Variants in WFDC9 observed in about 807,000 individuals in gnomAD.
WFDC9 encodes WAP four-disulfide core domain 9.
WFDC9 carries 9 observed loss-of-function variants against 9.5 expected under a neutral mutation model. The ratio of observed to expected loss-of-function variants is 0.95; its 90% CI spans 0.57 to 1.65. WFDC9 has a LOEUF of 1.65. WFDC9 is among the 40% of genes most tolerant of loss of function. WFDC9 has a pLI of 0.00. For synonymous variants in WFDC9, 33 were observed against 32.3 expected (o/e 1.02, Z -0.07); for missense variants, 87 against 106.7 (o/e 0.82, Z 0.81).
chr20:45,620,290 G>A (rs1166691016), intron 1 of WFDC9, among the ~76,000 whole-genome samples: 3 of 152,112 alleles, frequency 2.0e-5, no homozygotes, highest in Non-Finnish European at 4.4e-5. Context: ...CTAAGTCATT[G>A]TAACTAAGTA....
intron 1 of WFDC9, among the ~76,000 whole-genome samples, chr20:45,630,583 G>C (rs1241792116): frequency 1.3e-5 from 2 of 152,146 alleles, no homozygotes; most frequent in African/African-American, 4.8e-5. Context: ...ACTTCACCAA[G>C]GCCATGACTA....
chr20:45,608,646 C>A lies in WFDC9; in HGVS notation c.239+17G>T, dbSNP rs375811823. On this transcript the variant is annotated intron_variant, in intron 4 of 4. Coordinates refer to ENST00000326000, the MANE Select transcript of WFDC9 (RefSeq NM_147198.4). Reference sequence around the variant, plus strand: ...AAGCATGCCCAGGCCCTAGCCTTCCCACCCCAACCAACTCACTCGTTGTCT... The same window carrying A: ...AAGCATGCCCAGGCCCTAGCCTTCCAACCCCAACCAACTCACTCGTTGTCT... 147 of 1,606,734 alleles carry A rather than the reference C, an allele frequency of 9.1e-5. No individual in the cohort carries two copies. Among genetic ancestry groups the A allele is most frequent in the Non-Finnish European group, 1.2e-4 (142 of 1,176,318 alleles).
chr20:45,620,462 C>T (rs1053478296), intron 1 of WFDC9, among the ~76,000 whole-genome samples: 1 of 151,900 alleles, frequency 6.6e-6, no homozygotes, highest in African/African-American at 2.4e-5. Context: ...TGCGGTGGCA[C>T]ACACCTGTAA....
At chr20:45,620,232 T>C (rs1347626665) in intron 1 of WFDC9, among the ~76,000 whole-genome samples, 21 of 152,164 alleles carry the variant, frequency 1.4e-4, no homozygotes, top group Admixed American at 1.4e-3. Context: ...CAAAAGAAAA[T>C]ATTGTATGGC....
At chr20:45,614,410 T>C (rs138016640) in intron 2 of WFDC9, among the ~76,000 whole-genome samples, 2,108 of 152,198 alleles carry the variant, frequency 0.014, 87 homozygotes, top group Admixed American at 0.097. Context: ...GAGGACAGAG[T>C]GCTGGATTTA....
chr20:45,613,516 TA>T (rs1981905706), intron 2 of WFDC9, among the ~76,000 whole-genome samples: 2 of 152,196 alleles, frequency 1.3e-5, no homozygotes, highest in Admixed American at 6.5e-5. Flanking sequence ...AAATCACTTT[TA>T]AGAGATTCGA....
chr20:45,623,303 CTT>C (rs1426769970), intron 1 of WFDC9, among the ~76,000 whole-genome samples: 12 of 152,166 alleles, frequency 7.9e-5, no homozygotes, highest in Non-Finnish European at 1.8e-4. Context: ...TCCTCTTATT[CTT>C]TTCTGTTTGT....
intron 1 of WFDC9, among the ~76,000 whole-genome samples, chr20:45,622,295 T>G (rs1982119611): frequency 6.6e-6 from 1 of 152,180 alleles, no homozygotes; most frequent in African/African-American, 2.4e-5. Context: ...ATTTTAAAAT[T>G]TATTTGTATT....
chr20:45,625,441 G>A (rs1273225566), intron 1 of WFDC9, among the ~76,000 whole-genome samples: 1 of 152,146 alleles, frequency 6.6e-6, no homozygotes, highest in African/African-American at 2.4e-5. Context: ...TTCCTTTGCT[G>A]TGCAGCAGCT....
At chr20:45,628,931 T>C (rs1413347419) in intron 1 of WFDC9, among the ~76,000 whole-genome samples, 2 of 152,190 alleles carry the variant, frequency 1.3e-5, no homozygotes, top group Non-Finnish European at 2.9e-5. Context: ...TCTTCACTTC[T>C]GAGAGTTCAT....
rs76174602 is a variant in WFDC9, at chr20:45,627,009, T to G, written c.-153+4194A>C. Among the ~76,000 whole-genome samples the G allele has an allele frequency of 5.5e-3, 845 of 152,348 alleles. 7 individuals carry two copies. Among genetic ancestry groups the G allele is most frequent in the African/African-American group, 0.02 (811 of 41,570 alleles). ...TGCTTTCCTTTCATACATAATTTAT[T>G]GAAAGTTTTTATCATAAAGTGGTGT... On this transcript the variant is annotated intron_variant, in intron 1 of 4. Transcript: ENST00000326000.
At position 45,608,752 on chromosome 20, in the gene WFDC9, AC is replaced by A. The variant is rs751408289; in HGVS notation, c.149del (p.Cys50LeufsTer8). 6.2e-7 allele frequency: 1 copy of A among 1,613,248 alleles called. No individual in the cohort carries two copies. Among genetic ancestry groups the A allele is most frequent in the Admixed American group, 1.7e-5 (1 of 60,016 alleles). ...QCWVQPPYKYCEKRCTKIMTC... is the reference protein window; with the variant it reads ...QCWVQPPYKYXEKRCTKIMTC... The stretch of plus-strand genomic sequence containing the variant: ...TCATTATTTTAGTACACCTTTTCTC[AC>A]AGTACTTATATGGAGGCTGTACCCA... On this transcript the variant is annotated frameshift_variant, in exon 4 of 5. Transcript: ENST00000326000. LOFTEE classifies it high-confidence loss of function.
intron 2 of WFDC9, among the ~76,000 whole-genome samples, chr20:45,614,277 C>CA (rs1981926187): frequency 6.6e-6 from 1 of 152,114 alleles, no homozygotes; most frequent in Non-Finnish European, 1.5e-5. Context: ...TTCTCATATA[C>CA]AGAGTGCTGT....
chr20:45,607,999 C>A lies in WFDC9; in HGVS notation c.*111G>T. On this transcript the variant is annotated 3_prime_UTR_variant, in exon 5 of 5. Transcript: ENST00000326000. ...CAGGGTAAAGAGGTCAAGGAAATAG[C>A]AGAAAGGTTACCAGCTAGAGCCAGT... 8.2e-7 allele frequency: 1 copy of A among 1,221,848 alleles called. No individual in the cohort carries two copies. Among genetic ancestry groups the A allele is most frequent in the South Asian group, 1.3e-5 (1 of 78,874 alleles). The allele number at this position is 1,221,848 out of a possible 1,614,324, so 75.7% of individuals were successfully genotyped here. A position where few individuals can be genotyped will look rare whatever the true frequency, so the allele number is the denominator to read the frequency against.
At chr20:45,608,849 A>T in intron 3 of WFDC9, 39 bp from the exon 4 acceptor site, 1 of 1,568,494 alleles carries the variant, frequency 6.4e-7, no homozygotes. Flanking sequence ...TCTATTCACA[A>T]CTCAGACAAG....
At chr20:45,630,944 T>A in intron 1 of WFDC9, 1 of 1,612,300 alleles carries the variant, frequency 6.2e-7, no homozygotes, top group Non-Finnish European at 8.5e-7. Context: ...CTTATGTGAA[T>A]CTCACCGAGA....
chr20:45,630,971 A>G lies in WFDC9; in HGVS notation c.-153+232T>C, dbSNP rs537092750. On this transcript the variant is annotated intron_variant, in intron 1 of 4. Coordinates refer to ENST00000326000, the MANE Select transcript of WFDC9 (RefSeq NM_147198.4). ...TCACCGAGATTGTCAAGCAAATAAC[A>G]TATGCTGTTCTACCTACTGTGGGAA... is the stretch of plus-strand genomic sequence containing the variant. 12 of 1,612,024 alleles carry G rather than the reference A, an allele frequency of 7.4e-6. No individual in the cohort carries two copies. The African/African-American group carries it at 9.3e-5, about 13-fold the overall frequency.
chr20:45,609,126 C>T (rs1253303804), intron 3 of WFDC9, among the ~76,000 whole-genome samples: 1 of 152,144 alleles, frequency 6.6e-6, no homozygotes, highest in Non-Finnish European at 1.5e-5. Flanking sequence ...GCAATATCCT[C>T]TAACTCCAAT....
intron 1 of WFDC9, among the ~76,000 whole-genome samples, chr20:45,629,031 C>A (rs2145604031): frequency 6.6e-6 from 1 of 152,298 alleles, no homozygotes; most frequent in South Asian, 2.1e-4. Flanking sequence ...TGTCTGAGCT[C>A]TAAGATATTT....
Sources: allele counts gnomAD v4.1 joint callset (sites outside exome capture counted in the v4.1 genomes callset), GRCh38; gene constraint gnomAD v4.1.1; transcripts MANE v1.5; gene names NCBI Gene and HGNC (gene_info 2026-07-23, HGNC 2026-07-21).